DCAF1: variants seen among roughly 807,000 people sequenced by gnomAD.
The protein encoded by DCAF1 is DDB1- and CUL4-associated factor 1.
Under a neutral mutation model 128.0 loss-of-function variants are expected in DCAF1, and 15 were observed. That is an observed-to-expected ratio of 0.12 (90% CI 0.08 to 0.18). The LOEUF is 0.18. Ranked by LOEUF, DCAF1 falls within the 10% of genes least tolerant of loss-of-function variation. DCAF1 has a pLI of 1.00. For synonymous variants in DCAF1, 610 were observed against 603.0 expected (o/e 1.01, Z -0.17); for missense variants, 988 against 1,649.5 (o/e 0.60, Z 6.95).
intron 2 of DCAF1, 90 bp from the exon 3 acceptor site, chr3:51,483,926 G>T: frequency 1.1e-6 from 1 of 893,860 alleles, no homozygotes; most frequent in Non-Finnish European, 1.8e-6. Flanking sequence ...GGACGAGAAG[G>T]CAAGAGAAAA....
Position 51,428,331 on chromosome 3 carries a change from CTTTTTTTTTTT to C in DCAF1, c.1678-801_1678-791del, listed in dbSNP as rs35486639. Among the ~76,000 whole-genome samples, 4 of 110,502 alleles carry C rather than the reference CTTTTTTTTTTT, an allele frequency of 3.6e-5. No individual in the cohort carries two copies. The South Asian group carries it at 9.4e-4, about 26-fold the overall frequency. The allele number at this position is 110,502 out of a possible 152,430, so 72.5% of individuals were successfully genotyped here. A position where few individuals can be genotyped will look rare whatever the true frequency, so the allele number is the denominator to read the frequency against. Reference sequence around the variant, plus strand: ...GCTGACACAGGTGTACCACCATGCCCTTTTTTTTTTTTTTTTTTTTGAGACAGTCTCTGCCC... The same window carrying C: ...GCTGACACAGGTGTACCACCATGCCCTTTTTTTTTGAGACAGTCTCTGCCC... On this transcript the variant is annotated intron_variant, in intron 12 of 24. Coordinates refer to ENST00000684031, the MANE Select transcript of DCAF1 (RefSeq NM_001387579.1).
At chr3:51,404,586 T>A (rs2089975862) in intron 23 of DCAF1, among the ~76,000 whole-genome samples, 1 of 152,228 alleles carries the variant, frequency 6.6e-6, no homozygotes. Flanking sequence ...TCTGGTAATT[T>A]TGGAACCACC....
Position 51,410,024 on chromosome 3 carries a change from C to G in DCAF1, c.4212+2355G>C, listed in dbSNP as rs1698256565. ...TCTCATAACTCACATGAGCTTTAGA[C>G]ACTGCTGGCTCCTCTCACCCATGAA... On this transcript the variant is annotated intron_variant, in intron 23 of 24. Transcript: ENST00000684031. Among the ~76,000 whole-genome samples the G allele has an allele frequency of 2.0e-5, 3 of 152,204 alleles. No individual in the cohort carries two copies. The South Asian group carries it at 6.2e-4, about 32-fold the overall frequency.
chr3:51,418,057 A>G (rs1553631005), intron 17 of DCAF1, 59 bp downstream of exon 17: 3 of 1,550,292 alleles, frequency 1.9e-6, no homozygotes, highest in Non-Finnish European at 2.6e-6. Flanking sequence ...GAACCAAATG[A>G]AGGGGGGTAT....
chr3:51,489,428 C>T (rs1423732509), intron 2 of DCAF1, among the ~76,000 whole-genome samples: 1 of 151,952 alleles, frequency 6.6e-6, no homozygotes, highest in Non-Finnish European at 1.5e-5. Context: ...GAGTGAGACT[C>T]TGTCTCAAAA....
intron 23 of DCAF1, among the ~76,000 whole-genome samples, chr3:51,406,880 C>T (rs2090151581): frequency 6.6e-6 from 1 of 152,220 alleles, no homozygotes; most frequent in Admixed American, 6.5e-5. Flanking sequence ...TCTCCATCTA[C>T]ATAGGCTTCA....
chr3:51,484,887 T>C (rs573823417), intron 2 of DCAF1, among the ~76,000 whole-genome samples: 10 of 150,622 alleles, frequency 6.6e-5, no homozygotes, highest in East Asian at 5.9e-4. Flanking sequence ...TTCACCACGC[T>C]GGCCAGGCTA....
chr3:51,446,552 G>A (rs1295425268), intron 6 of DCAF1, among the ~76,000 whole-genome samples: 7 of 151,952 alleles, frequency 4.6e-5, no homozygotes, highest in Admixed American at 4.6e-4. Context: ...GATCACTTGA[G>A]CCCAGGAGTT....
chr3:51,416,989 G>T, intron 17 of DCAF1, 118 bp from the exon 18 acceptor site: 1 of 1,459,516 alleles, frequency 6.9e-7, no homozygotes, highest in Non-Finnish European at 9.2e-7. Context: ...AAAGATCCTG[G>T]ACTCCCAAAG....
intron 6 of DCAF1, among the ~76,000 whole-genome samples, chr3:51,459,580 C>A (rs1375322595): frequency 6.6e-6 from 1 of 152,156 alleles, no homozygotes; most frequent in Admixed American, 6.6e-5. Flanking sequence ...ATCCTGATAC[C>A]AAAGCCTGGC....
In DCAF1 at chr3:51,489,388, T is replaced by C. The variant is rs546238248; in HGVS notation, c.-8-5552A>G. ...GCAGACGTTGCAATGAGCCACAAGA[T>C]TGTGCCACTGCAGTCCAGCCTGGGC... is the stretch of plus-strand genomic sequence containing the variant. On this transcript the variant is annotated intron_variant, in intron 2 of 24. Transcript: ENST00000684031. Among the ~76,000 whole-genome samples the C allele has an allele frequency of 2.0e-5, 3 of 152,166 alleles. 1 individual carries two copies. The South Asian group carries it at 6.2e-4, about 32-fold the overall frequency.
intron 3 of DCAF1, among the ~76,000 whole-genome samples, chr3:51,478,482 T>C (rs1705757343): frequency 6.6e-6 from 1 of 152,142 alleles, no homozygotes. Flanking sequence ...GCTCAAAGAA[T>C]ATTTCTTGAA....
In DCAF1 at chr3:51,422,394, T is replaced by G; in HGVS notation, c.1885A>C (p.Ile629Leu). The G allele has an allele frequency of 1.4e-6, 1 of 736,386 alleles. No homozygotes were observed. 45.6% of individuals were successfully genotyped at this position (736,386 alleles called of 1,614,324 possible). A position where few individuals can be genotyped will look rare whatever the true frequency, so the allele number is the denominator to read the frequency against. The change falls in exon 14 of 25, where the codon ATT becomes CTT. Residue 629 changes from isoleucine (I) to leucine (L), a missense_variant. Physicochemically the swap from Ile to Leu is conservative, Grantham distance 5. Around this residue, in one of 11 missense-constraint regions of DCAF1, gnomAD observed 185 missense variants for 248.1 expected, o/e 0.75. Coordinates refer to ENST00000684031, the MANE Select transcript of DCAF1 (RefSeq NM_001387579.1). The part of the protein sequence containing the change: ...TVRFALDVLA[I>L]LTVVPKIQLQ... Reference sequence around the variant, plus strand: ...TGGATTTTTGGCACCACAGTAAGAATAGCCAGGACATCCAAAGCAAAGCGC... The same window carrying G: ...TGGATTTTTGGCACCACAGTAAGAAGAGCCAGGACATCCAAAGCAAAGCGC...
rs782160525 is a variant in DCAF1 at position 51,414,641 on chromosome 3, T to C, written c.3820A>G (p.Ile1274Val). ...GVFHPNGLEV[I>V]INTEIWDLRT... The stretch of plus-strand genomic sequence containing the variant: ...AAGGATACAATCTCAGTATTAATGA[T>C]CACCTCCAGTCCATTTGGATGGAAA... Residue 1274 changes from isoleucine to valine, a missense_variant, in exon 19 of 25, where the codon ATC (isoleucine) becomes GTC (valine). By Grantham distance (29) the Ile-to-Val change is conservative. This residue lies in a region of DCAF1 where 85 missense variants were observed against 204.6 expected (regional missense o/e 0.42). Coordinates refer to ENST00000684031, the MANE Select transcript of DCAF1 (RefSeq NM_001387579.1). The C allele has an allele frequency of 7.2e-5, 117 of 1,613,842 alleles. No homozygotes were observed. Among genetic ancestry groups the C allele is most frequent in the Non-Finnish European group, 9.3e-5 (110 of 1,179,854 alleles).
chr3:51,505,341 T>C, the DCAF1 span, among the ~76,000 whole-genome samples: 4 of 152,058 alleles, frequency 2.6e-5, no homozygotes, highest in Non-Finnish European at 5.9e-5. Flanking sequence ...GAAGAATGGC[T>C]TTGTTGAATG....
intron 3 of DCAF1, among the ~76,000 whole-genome samples, chr3:51,482,132 G>A (rs1048470390): frequency 6.6e-5 from 10 of 151,816 alleles, no homozygotes; most frequent in Admixed American, 2.0e-4. Context: ...TTTGGACATG[G>A]TCTGTTTCAG....
At chr3:51,444,631 C>T (rs1174371079) in intron 6 of DCAF1, among the ~76,000 whole-genome samples, 1 of 151,862 alleles carries the variant, frequency 6.6e-6, no homozygotes, top group African/African-American at 2.4e-5. Context: ...GGATTACAGG[C>T]GTGAGCAACC....
chr3:51,482,572 C>A (rs1450821340), intron 3 of DCAF1, among the ~76,000 whole-genome samples: 3 of 148,248 alleles, frequency 2.0e-5, no homozygotes, highest in Non-Finnish European at 4.4e-5. Flanking sequence ...CAAGACCAGG[C>A]TGGCCAACAT....
chr3:51,423,674 C>T (rs1286456670), intron 13 of DCAF1, among the ~76,000 whole-genome samples: 1 of 151,692 alleles, frequency 6.6e-6, no homozygotes, highest in Non-Finnish European at 1.5e-5. Context: ...CAAAAACCAG[C>T]CAGGCATGGT....
Sources: allele counts gnomAD v4.1 joint callset (sites outside exome capture counted in the v4.1 genomes callset), GRCh38; gene constraint gnomAD v4.1.1; regional missense constraint gnomAD v4.1.1; transcripts MANE v1.5; gene names NCBI Gene and HGNC (gene_info 2026-07-23, HGNC 2026-07-21).